Variants in UBE3D observed in about 807,000 individuals in gnomAD.
The protein encoded by UBE3D is E3 ubiquitin-protein ligase E3D.
Under a neutral mutation model 49.6 loss-of-function variants are expected in UBE3D, and 48 were observed. The observed-to-expected ratio is 0.97, with a 90% CI of 0.77 to 1.23. The LOEUF is 1.23. Among genes scored for constraint, UBE3D ranks in the 50% most tolerant of loss-of-function variants. The pLI is 0.00. For missense variants in UBE3D, 452 were observed against 468.4 expected (o/e 0.96, Z 0.32); for synonymous variants, 189 against 174.2 (o/e 1.08, Z -0.67).
At chr6:82,911,196 CAAAAAAA>C (rs1156620624) in intron 9 of UBE3D, among the ~76,000 whole-genome samples, 22 of 39,328 alleles carry the variant, frequency 5.6e-4, no homozygotes, top group Admixed American at 7.0e-4. Context: ...AACATTTTGG[CAAAAAAA>C]AAAAAAAAAA....
chr6:82,978,223 G>T (rs747575320), intron 8 of UBE3D, among the ~76,000 whole-genome samples: 2 of 152,144 alleles, frequency 1.3e-5, no homozygotes, highest in African/African-American at 4.8e-5. Flanking sequence ...AGGGCTGGAA[G>T]TCATCTTAAT....
chr6:82,975,554 T>C (rs1448047278), intron 8 of UBE3D, among the ~76,000 whole-genome samples: 1 of 152,186 alleles, frequency 6.6e-6, no homozygotes, highest in Admixed American at 6.5e-5. Context: ...ATATATACTA[T>C]TTTGGTGATA....
intron 8 of UBE3D, among the ~76,000 whole-genome samples, chr6:82,990,228 C>A (rs770504346): frequency 6.6e-6 from 1 of 152,094 alleles, no homozygotes; most frequent in Admixed American, 6.6e-5. Context: ...ATTCACTATG[C>A]CAACAGGAAA....
chr6:82,900,445 A>G (rs1771649474), intron 9 of UBE3D, among the ~76,000 whole-genome samples: 1 of 152,196 alleles, frequency 6.6e-6, no homozygotes, highest in Non-Finnish European at 1.5e-5. Flanking sequence ...TTGTGGAACA[A>G]AATAGATTTC....
intron 8 of UBE3D, among the ~76,000 whole-genome samples, chr6:82,969,630 G>T (rs562504893): frequency 6.6e-6 from 1 of 151,400 alleles, no homozygotes; most frequent in Admixed American, 6.6e-5. Flanking sequence ...AACAAACTTA[G>T]AAAATTTAAC....
intron 7 of UBE3D, among the ~76,000 whole-genome samples, chr6:83,019,510 T>C (rs1381129089): frequency 6.6e-6 from 1 of 152,190 alleles, no homozygotes; most frequent in African/African-American, 2.4e-5. Context: ...ATGTAACTAA[T>C]AAATGTAAAA....
At chr6:82,971,196 A>G (rs1273792399) in intron 8 of UBE3D, among the ~76,000 whole-genome samples, 4 of 152,206 alleles carry the variant, frequency 2.6e-5, no homozygotes, top group Non-Finnish European at 2.9e-5. Flanking sequence ...AATATTTGTT[A>G]GCACATTAAT....
intron 1 of UBE3D, among the ~76,000 whole-genome samples, chr6:83,065,017 T>C (rs542648188): frequency 8.5e-5 from 13 of 152,342 alleles, no homozygotes; most frequent in African/African-American, 3.1e-4. Context: ...AGAACATTTT[T>C]CCTAAAAGTT....
intron 8 of UBE3D, among the ~76,000 whole-genome samples, chr6:82,975,538 C>T (rs1777654558): frequency 6.6e-6 from 1 of 152,006 alleles, no homozygotes; most frequent in South Asian, 2.1e-4. Flanking sequence ...AAATAGCTTA[C>T]AAGAAATATA....
At chr6:82,917,225 G>T (rs1358965705) in intron 9 of UBE3D, among the ~76,000 whole-genome samples, 2 of 152,156 alleles carry the variant, frequency 1.3e-5, no homozygotes, top group African/African-American at 2.4e-5. Flanking sequence ...AAGAAGGAAG[G>T]GAAGAAAGGA....
At chr6:83,045,141 T>C (rs1045297617) in intron 3 of UBE3D, among the ~76,000 whole-genome samples, 2 of 152,172 alleles carry the variant, frequency 1.3e-5, no homozygotes, top group African/African-American at 2.4e-5. Flanking sequence ...TGTTAGAATA[T>C]TTATGAACAT....
chr6:82,962,095 T>C (rs1395032394), intron 8 of UBE3D, among the ~76,000 whole-genome samples: 3 of 152,140 alleles, frequency 2.0e-5, no homozygotes, highest in Admixed American at 6.6e-5. Flanking sequence ...AAAATAACCA[T>C]GTGATGAGAA....
chr6:83,037,991 C>G (rs1782385281), intron 5 of UBE3D: 1 of 149,922 alleles, frequency 6.7e-6, no homozygotes, highest in Non-Finnish European at 1.5e-5. Flanking sequence ...ACCAATTCTT[C>G]TAACTGAGGA....
Position 83,032,034 on chromosome 6 carries a change from C to A in UBE3D, c.667+6382G>T, listed in dbSNP as rs888833832. Among the ~76,000 whole-genome samples, 12 of 152,316 alleles carry A rather than the reference C, an allele frequency of 7.9e-5. No homozygotes were observed. The South Asian group carries it at 1.5e-3, about 18-fold the overall frequency. On this transcript the variant is annotated intron_variant, in intron 5 of 9. Coordinates refer to ENST00000369747, the MANE Select transcript of UBE3D (RefSeq NM_198920.3). ...GCAGGGCCGCAGCCCTCATGGAGAACCTCTGTTAGGGCAGTGCAGAAGGGA... is the reference window on the plus strand; with the variant it reads ...GCAGGGCCGCAGCCCTCATGGAGAAACTCTGTTAGGGCAGTGCAGAAGGGA...
intron 9 of UBE3D, among the ~76,000 whole-genome samples, chr6:82,937,933 T>A (rs1344546267): frequency 6.6e-6 from 1 of 152,044 alleles, no homozygotes; most frequent in East Asian, 1.9e-4. Context: ...CTGGCAGCTG[T>A]TAGGGAGGTC....
chr6:82,965,475 C>T (rs1296294936), intron 8 of UBE3D, among the ~76,000 whole-genome samples: 1 of 150,380 alleles, frequency 6.6e-6, no homozygotes, highest in African/African-American at 2.4e-5. Context: ...CCCAGCTACT[C>T]GGGAGACTGA....
chr6:83,040,525 C>T (rs1782600643), intron 4 of UBE3D, among the ~76,000 whole-genome samples: 1 of 152,110 alleles, frequency 6.6e-6, no homozygotes, highest in Admixed American at 6.5e-5. Flanking sequence ...GTAAAAAAAT[C>T]CGTAAATGCC....
intron 1 of UBE3D, among the ~76,000 whole-genome samples, chr6:83,059,888 G>A (rs1415894060): frequency 3.9e-5 from 6 of 152,206 alleles, no homozygotes; most frequent in Non-Finnish European, 8.8e-5. Flanking sequence ...CCCAAGACAG[G>A]TGAGGAGGAA....
At chr6:82,919,727 G>T (rs1036100839) in intron 9 of UBE3D, among the ~76,000 whole-genome samples, 2 of 152,190 alleles carry the variant, frequency 1.3e-5, no homozygotes, top group Non-Finnish European at 2.9e-5. Flanking sequence ...TACTAGCATG[G>T]CATAGAGGAA....
Sources: allele counts gnomAD v4.1 joint callset (sites outside exome capture counted in the v4.1 genomes callset), GRCh38; gene constraint gnomAD v4.1.1; transcripts MANE v1.5; gene names NCBI Gene and HGNC (gene_info 2026-07-23, HGNC 2026-07-21).